The following ASIC2 variants were observed in gnomAD, a reference collection of about 807,000 sequenced individuals.
ASIC2 encodes acid-sensing ion channel 2.
In ASIC2, 25 loss-of-function variants were observed where a neutral mutation model predicts 57.3. That is an observed-to-expected ratio of 0.44 (90% CI 0.32 to 0.61). The LOEUF (loss-of-function observed/expected upper bound fraction) is 0.61. Ranked by LOEUF, ASIC2 falls within the 20% of genes least tolerant of loss-of-function variation. ASIC2 has a pLI of 0.06. For missense variants in ASIC2, 641 were observed against 738.1 expected (o/e 0.87, Z 1.52); for synonymous variants, 319 against 307.5 (o/e 1.04, Z -0.39).
At chr17:33,187,860 A>G (rs1198731211) in intron 1 of ASIC2, among the ~76,000 whole-genome samples, 1 of 151,496 alleles carries the variant, frequency 6.6e-6, no homozygotes, top group Non-Finnish European at 1.5e-5. Context: ...ATCCAACAAC[A>G]TGACATTCAT....
At chr17:34,132,567 T>C (rs1912017048) in intron 1 of ASIC2, among the ~76,000 whole-genome samples, 1 of 151,914 alleles carries the variant, frequency 6.6e-6, no homozygotes. Flanking sequence ...AGAGCACTGA[T>C]TGGTGCATTT....
chr17:33,072,313 T>C (rs953247249), intron 3 of ASIC2, among the ~76,000 whole-genome samples: 5 of 152,206 alleles, frequency 3.3e-5, no homozygotes, highest in African/African-American at 1.2e-4. Flanking sequence ...TCATATATTT[T>C]GTTTTTGGTG....
chr17:33,443,131 C>G (rs1171197863), intron 1 of ASIC2, among the ~76,000 whole-genome samples: 4 of 152,060 alleles, frequency 2.6e-5, no homozygotes, highest in Non-Finnish European at 4.4e-5. Context: ...AGTATATAAT[C>G]CTTCTTATAT....
intron 1 of ASIC2, among the ~76,000 whole-genome samples, chr17:33,479,513 G>C (rs1913334461): frequency 6.6e-6 from 1 of 152,238 alleles, no homozygotes; most frequent in African/African-American, 2.4e-5. Flanking sequence ...GCACACAACA[G>C]TGTTCAGCTA....
At chr17:34,001,966 AC>A (rs1474405167) in intron 1 of ASIC2, 1 of 152,076 alleles carries the variant, frequency 6.6e-6, no homozygotes, top group Non-Finnish European at 1.5e-5. Flanking sequence ...TATGGGTTTT[AC>A]TTTTATTTAT....
At chr17:33,348,259 G>T (rs1403388575) in intron 1 of ASIC2, among the ~76,000 whole-genome samples, 1 of 152,148 alleles carries the variant, frequency 6.6e-6, no homozygotes, top group East Asian at 1.9e-4. Context: ...CTTTGATCCA[G>T]GTAGAAGCAA....
intron 1 of ASIC2, among the ~76,000 whole-genome samples, chr17:33,964,162 C>T (rs941864451): frequency 3.3e-5 from 5 of 152,216 alleles, no homozygotes; most frequent in African/African-American, 1.2e-4. Flanking sequence ...TACCCATTGG[C>T]TGGCATGAAC....
intron 1 of ASIC2, among the ~76,000 whole-genome samples, chr17:33,699,901 GA>G (rs1468123619): frequency 6.6e-6 from 1 of 152,076 alleles, no homozygotes; most frequent in Non-Finnish European, 1.5e-5. Flanking sequence ...CTGACTACAG[GA>G]CTTTCGTTTT....
At chr17:34,088,041 G>A (rs557196421) in intron 1 of ASIC2, among the ~76,000 whole-genome samples, 21 of 152,274 alleles carry the variant, frequency 1.4e-4, no homozygotes, top group Admixed American at 8.5e-4. Context: ...CTCTCAACTC[G>A]TCAAAGTCAT....
At position 33,697,798 on chromosome 17, in the gene ASIC2, A is replaced by G. The variant is rs535988921; in HGVS notation, c.555+458180T>C. On this transcript the variant is annotated intron_variant, in intron 1 of 9. Transcript: ENST00000359872. ...TGGCACCAACTATATGTATATAGTG[A>G]TATATCTTCATATGATATAGCAATA... Among the ~76,000 whole-genome samples, 3 of 152,328 alleles carry G rather than the reference A, an allele frequency of 2.0e-5. No homozygotes were observed. In the East Asian group the frequency reaches 5.8e-4, roughly 29 times the overall value.
At chr17:34,017,295 T>C (rs1453670961) in intron 1 of ASIC2, among the ~76,000 whole-genome samples, 16 of 152,328 alleles carry the variant, frequency 1.1e-4, no homozygotes. Flanking sequence ...TTATATAAGA[T>C]GGCAAACTTA....
At chr17:33,185,371 A>C (rs2142062735) in intron 1 of ASIC2, among the ~76,000 whole-genome samples, 1 of 152,314 alleles carries the variant, frequency 6.6e-6, no homozygotes, top group South Asian at 2.1e-4. Context: ...ACATAATGGA[A>C]AAAGTGACTT....
rs78218996 is a variant in ASIC2 at position 34,154,390 on chromosome 17, C to T, written c.555+1588G>A. Among the ~76,000 whole-genome samples, 858 of 152,332 alleles carry T rather than the reference C, an allele frequency of 5.6e-3. 5 individuals are homozygous for T. The highest frequency in any genetic ancestry group is 0.02 in the African/African-American group (814 of 41,564). On this transcript the variant is annotated intron_variant, in intron 1 of 9. Coordinates refer to the ASIC2 transcript ENST00000359872. The stretch of plus-strand genomic sequence containing the variant: ...ATATTACTGGTCCCTTCTCCCAGCT[C>T]AGACTGGCTTCCTCTTTAGCATACA...
chr17:33,515,405 C>T (rs1230339638), intron 1 of ASIC2, among the ~76,000 whole-genome samples: 1 of 152,234 alleles, frequency 6.6e-6, no homozygotes, highest in African/African-American at 2.4e-5. Context: ...CAGCACAGCT[C>T]TGGCACCAAA....
intron 1 of ASIC2, among the ~76,000 whole-genome samples, chr17:33,437,434 G>T (rs1023360062): frequency 1.3e-5 from 2 of 152,156 alleles, no homozygotes; most frequent in Admixed American, 1.3e-4. Context: ...AAAATGGAAA[G>T]ATTTTTTTAA....
At chr17:33,958,148 G>A (rs1904799540) in intron 1 of ASIC2, among the ~76,000 whole-genome samples, 1 of 152,232 alleles carries the variant, frequency 6.6e-6, no homozygotes, top group Admixed American at 6.5e-5. Flanking sequence ...CATCACTGTG[G>A]CTTTGCAGGT....
At chr17:33,265,791 C>T (rs113152496) in intron 1 of ASIC2, among the ~76,000 whole-genome samples, 45 of 152,294 alleles carry the variant, frequency 3.0e-4, no homozygotes, top group African/African-American at 9.9e-4. Flanking sequence ...GGGTATTTTT[C>T]ACTAGATGGC....
intron 1 of ASIC2, among the ~76,000 whole-genome samples, chr17:34,094,361 A>C (rs1273047872): frequency 6.6e-6 from 1 of 152,212 alleles, no homozygotes; most frequent in African/African-American, 2.4e-5. Flanking sequence ...TTTCTAACTG[A>C]ATCAGAACAT....
At position 33,292,062 on chromosome 17, in the gene ASIC2, T is replaced by C; in HGVS notation, c.54A>G (p.Gly18=). The C allele has an allele frequency of 9.2e-7, 1 of 1,092,842 alleles. No individual in the cohort carries two copies. The highest frequency in any genetic ancestry group is 1.1e-6 in the Non-Finnish European group (1 of 903,080). The allele number at this position is 1,092,842 out of a possible 1,614,324, so 67.7% of individuals were successfully genotyped here. A position where few individuals can be genotyped will look rare whatever the true frequency, so the allele number is the denominator to read the frequency against. ...GCTCCTCGCGGGCCATGCGGAAGCG[T>C]CCCGGGCCGGTGAGCGCGGCTGCGG... ...GLPAAALTGP[G]RFRMAREEPA... is the part of the protein sequence containing the mutation. Residue 18 remains glycine (G), a synonymous_variant, in exon 1 of 10, where the codon GGA becomes GGG. Coordinates refer to ENST00000225823, the MANE Select transcript of ASIC2 (RefSeq NM_183377.2).
Sources: allele counts gnomAD v4.1 joint callset (sites outside exome capture counted in the v4.1 genomes callset), GRCh38; gene constraint gnomAD v4.1.1; transcripts MANE v1.5; gene names NCBI Gene and HGNC (gene_info 2026-07-23, HGNC 2026-07-21).